MYOZ1: variants seen among roughly 807,000 people sequenced by gnomAD.
MYOZ1 encodes the protein myozenin-1.
In MYOZ1, 20 loss-of-function variants were observed where a neutral mutation model predicts 28.7. The observed-to-expected ratio is 0.70, with a 90% confidence interval of 0.49 to 1.01. The LOEUF (loss-of-function observed/expected upper bound fraction) is 1.01, where lower values mean the gene tolerates loss of function less well. Among genes scored for constraint, MYOZ1 ranks in the 50% least tolerant of loss-of-function variants. MYOZ1 has a pLI of 0.00. For missense variants in MYOZ1, 371 were observed against 372.4 expected (o/e 1.00, Z 0.03); for synonymous variants, 144 against 145.8 (o/e 0.99, Z 0.09).
At position 73,634,549 on chromosome 10, in the gene MYOZ1, C is replaced by T. The variant is rs1212352817; in HGVS notation, c.437G>A (p.Gly146Asp). The T allele has an allele frequency of 2.5e-6, 4 of 1,614,000 alleles. No homozygotes were observed. The highest frequency in any genetic ancestry group is 1.7e-5 in the Admixed American group (1 of 59,994). Residue 146 changes from glycine (G) to aspartate (D), a missense_variant, in exon 4 of 6, where the codon GGT (glycine) becomes GAT (aspartate). By Grantham distance (94) the Gly-to-Asp change is moderately conservative. Transcript: ENST00000359322. ...TCCTCTGCCAGCCTGGCCCGCGGGACCACCTGTACCCCCAGCTCCAGACCC... is the reference window on the plus strand; with the variant it reads ...TCCTCTGCCAGCCTGGCCCGCGGGATCACCTGTACCCCCAGCTCCAGACCC... ...GSGSGAGGTG[G>D]PAGQAGRGGA...
chr10:73,636,541 T>C (rs10824025), intron 3 of MYOZ1, among the ~76,000 whole-genome samples: 15,385 of 151,910 alleles, frequency 0.1, 1,106 homozygotes, highest in East Asian at 0.35. Context: ...ATGCATCCTC[T>C]ACCTTCCAGG....
At chr10:73,640,078 T>C in intron 1 of MYOZ1, 43 bp from the exon 2 acceptor site, 1 of 1,507,956 alleles carries the variant, frequency 6.6e-7, no homozygotes, top group Non-Finnish European at 9.2e-7. Context: ...GGACAGGGAC[T>C]GGGAAGAGTG....
chr10:73,638,752 C>T (rs2132408651), intron 2 of MYOZ1, among the ~76,000 whole-genome samples: 1 of 151,718 alleles, frequency 6.6e-6, no homozygotes, highest in African/African-American at 2.4e-5. Flanking sequence ...CTGCAACCTC[C>T]ATCTCCTGGG....
intron 3 of MYOZ1, among the ~76,000 whole-genome samples, chr10:73,635,589 G>A (rs192655839): frequency 2.8e-4 from 42 of 151,492 alleles, no homozygotes; most frequent in African/African-American, 9.7e-4. Flanking sequence ...TTTGCCATGT[G>A]CCCAGGCTGG....
chr10:73,634,152 T>C (rs1201631710), intron 4 of MYOZ1, 87 bp from the exon 5 acceptor site: 6 of 1,461,318 alleles, frequency 4.1e-6, no homozygotes, highest in South Asian at 3.6e-5. Flanking sequence ...ACTAGGGAAA[T>C]TGCAAGAGCC....
intron 5 of MYOZ1, among the ~76,000 whole-genome samples, chr10:73,633,486 A>T (rs1419596658): frequency 6.6e-6 from 1 of 152,086 alleles, no homozygotes; most frequent in East Asian, 1.9e-4. Flanking sequence ...CCCAGGTCTC[A>T]GGTAGGCAGA....
chr10:73,637,592 G>C (rs2081674773), intron 3 of MYOZ1, 152 bp downstream of exon 3: 1 of 712,702 alleles, frequency 1.4e-6, no homozygotes, highest in African/African-American at 1.8e-5. Flanking sequence ...ACTCACCCTG[G>C]AGCTGTTGCG....
intron 3 of MYOZ1, among the ~76,000 whole-genome samples, 172 bp downstream of exon 3, chr10:73,637,572 G>T (rs2081674644): frequency 1.3e-5 from 2 of 152,108 alleles, no homozygotes; most frequent in Admixed American, 1.3e-4. Flanking sequence ...GGTTTCAGAG[G>T]TGGGCTGTAA....
At position 73,633,935 on chromosome 10, in the gene MYOZ1, G is replaced by C. The variant is rs1053661; in HGVS notation, c.633C>G (p.Ala211=). ...ACTTATATTTGGGAAGTTCAGCTTT[G>C]GCCCCATAGGCCAGCAGGTCAATGC... ...ELGIDLLAYG[A]KAELPKYKSF... Residue 211 remains alanine (A), a synonymous_variant, in exon 5 of 6, where the codon GCC becomes GCG. Coordinates refer to ENST00000359322, the MANE Select transcript of MYOZ1 (RefSeq NM_021245.4). The C allele has an allele frequency of 6.2e-7, 1 of 1,613,072 alleles. No individual in the cohort carries two copies. The highest frequency in any genetic ancestry group is 1.7e-5 in the Admixed American group (1 of 59,740).
In MYOZ1 at chr10:73,632,120, C is replaced by T. The variant is rs773215819; in HGVS notation, c.710G>A (p.Arg237His). The T allele has an allele frequency of 5.0e-6, 8 of 1,614,152 alleles. No individual in the cohort carries two copies. The highest frequency in any genetic ancestry group is 4.4e-5 in the South Asian group (4 of 91,080). Reference sequence around the variant, plus strand: ...AAACTTGGGCATCTGGAAGGTCATGCGTTTGGAGGCCTTCTCATATCCACC... The same window carrying T: ...AAACTTGGGCATCTGGAAGGTCATGTGTTTGGAGGCCTTCTCATATCCACC... Reference protein sequence around the residue: ...PYGGYEKASKRMTFQMPKFDL... With the variant: ...PYGGYEKASKHMTFQMPKFDL... Residue 237 changes from arginine to histidine, a missense_variant, in exon 6 of 6, where the codon CGC becomes CAC. By Grantham distance (29) the Arg-to-His change is conservative. Coordinates refer to ENST00000359322, the MANE Select transcript of MYOZ1 (RefSeq NM_021245.4).
At chr10:73,634,778 A>G in intron 3 of MYOZ1, 45 bp from the exon 4 acceptor site, 1 of 1,587,352 alleles carries the variant, frequency 6.3e-7, no homozygotes, top group African/African-American at 1.3e-5. Flanking sequence ...ATGGGTATGG[A>G]AAATATACAA....
rs1465828348 is a variant in MYOZ1 at position 73,631,984 on chromosome 10, T to C, written c.846A>G (p.Val282=). The change falls in exon 6 of 6, where the codon GTA becomes GTG. Residue 282 remains valine, a synonymous_variant. Coordinates refer to ENST00000359322, the MANE Select transcript of MYOZ1 (RefSeq NM_021245.4). ...PIPWLSSGEP[V]DYNVDIGIPL... is the part of the protein sequence containing the mutation. ...GGATGCCAATATCCACGTTGTAGTCTACAGGCTCCCCAGAGCTCAGCCAGG... is the reference window on the plus strand; with the variant it reads ...GGATGCCAATATCCACGTTGTAGTCCACAGGCTCCCCAGAGCTCAGCCAGG... 6.2e-7 allele frequency: 1 copy of C among 1,614,084 alleles called. No homozygotes were observed. The highest frequency in any genetic ancestry group is 1.7e-5 in the Admixed American group (1 of 60,012).
At chr10:73,633,140 T>A (rs2081645478) in intron 5 of MYOZ1, among the ~76,000 whole-genome samples, 1 of 151,294 alleles carries the variant, frequency 6.6e-6, no homozygotes, top group South Asian at 2.1e-4. Context: ...CTACTAAAAA[T>A]ACAAAAATTA....
rs2081656287 is a variant in MYOZ1, at chr10:73,634,646, C to G, written c.340G>C (p.Gly114Arg). 1 of 1,614,238 alleles carries G rather than the reference C, an allele frequency of 6.2e-7. No individual in the cohort carries two copies. The highest frequency in any genetic ancestry group is 2.2e-5 in the East Asian group (1 of 44,880). Residue 114 changes from glycine (G) to arginine (R), a missense_variant, in exon 4 of 6, where the codon GGC becomes CGC. Coordinates refer to ENST00000359322, the MANE Select transcript of MYOZ1 (RefSeq NM_021245.4). ...CCACTGCCCCCTGCCTGGCTGCCGC[C>G]TCTGCCGTTGCTCTTGCTGTATGAG... The part of the protein sequence containing the change: ...GFSYSKSNGR[G>R]GSQAGGSGSA...
Position 73,639,993 on chromosome 10 carries a change from G to A in MYOZ1, c.25C>T (p.Pro9Ser), listed in dbSNP as rs756610543. 1.9e-5 allele frequency: 30 copies of A among 1,613,922 alleles called. 1 individual carries two copies. The highest frequency in any genetic ancestry group is 2.2e-5 in the East Asian group (1 of 44,868). MPLSGTPA[P>S]NKKRKSSKLI... is the part of the protein sequence containing the mutation. Reference sequence around the variant, plus strand: ...TTGCTGGATTTCCTCTTCTTATTAGGGGCCGGGGTTCCTGAGAGCGGCATT... The same window carrying A: ...TTGCTGGATTTCCTCTTCTTATTAGAGGCCGGGGTTCCTGAGAGCGGCATT... The change falls in exon 2 of 6, where the codon CCT becomes TCT. Residue 9 changes from proline (P) to serine (S), a missense_variant. By Grantham distance (74) the Pro-to-Ser change is moderately conservative. Transcript: ENST00000359322.
At chr10:73,635,351 C>G (rs1265632931) in intron 3 of MYOZ1, among the ~76,000 whole-genome samples, 1 of 151,778 alleles carries the variant, frequency 6.6e-6, no homozygotes, top group East Asian at 1.9e-4. Context: ...GACCAACACG[C>G]CTGCCCAGCT....
intron 3 of MYOZ1, among the ~76,000 whole-genome samples, chr10:73,636,267 A>C (rs924382989): frequency 6.6e-6 from 1 of 152,088 alleles, no homozygotes; most frequent in Admixed American, 6.5e-5. Context: ...CCTGACTAGA[A>C]TATATCTTGA....
intron 1 of MYOZ1, among the ~76,000 whole-genome samples, chr10:73,640,295 G>A (rs967838290): frequency 6.6e-6 from 1 of 152,100 alleles, no homozygotes; most frequent in Non-Finnish European, 1.5e-5. Flanking sequence ...GACTATAGGT[G>A]CGCACCACCG....
rs776622960 is a variant in MYOZ1 at position 73,631,947 on chromosome 10, C to G, written c.883G>C (p.Glu295Gln). The G allele has an allele frequency of 3.1e-6, 5 of 1,613,864 alleles. No homozygotes were observed. Among genetic ancestry groups the G allele is most frequent in the Non-Finnish European group, 4.2e-6 (5 of 1,179,840 alleles). ...GAAACACCTCACAGCTCCTCTGTTT[C>G]TCCATCCAAGGGGATGCCAATATCC... The part of the protein sequence containing the change: ...NVDIGIPLDG[E>Q]TEEL Residue 295 changes from glutamate (E) to glutamine (Q), a missense_variant, in exon 6 of 6, where the codon GAA becomes CAA. Coordinates refer to ENST00000359322, the MANE Select transcript of MYOZ1 (RefSeq NM_021245.4).
Sources: allele counts gnomAD v4.1 joint callset (sites outside exome capture counted in the v4.1 genomes callset), GRCh38; gene constraint gnomAD v4.1.1; transcripts MANE v1.5; gene names NCBI Gene and HGNC (gene_info 2026-07-23, HGNC 2026-07-21).